The following MYO9A variants were observed in gnomAD, a reference collection of about 807,000 sequenced individuals.
The protein encoded by MYO9A is unconventional myosin-IXa.
MYO9A carries 103 observed loss-of-function variants against 293.3 expected under a neutral mutation model. The ratio of observed to expected loss-of-function variants is 0.35; its 90% CI spans 0.30 to 0.41. The LOEUF is 0.41. MYO9A is among the 10% of genes least tolerant of loss of function. MYO9A has a pLI of 1.00. For synonymous variants in MYO9A, 1,001 were observed against 1,035.7 expected (o/e 0.97, Z 0.64); for missense variants, 2,685 against 3,033.0 (o/e 0.89, Z 2.69).
intron 11 of MYO9A, among the ~76,000 whole-genome samples, chr15:71,988,699 G>A (rs1275001707): frequency 6.6e-6 from 1 of 152,078 alleles, no homozygotes; most frequent in Non-Finnish European, 1.5e-5. Flanking sequence ...GCTAGCTGTT[G>A]TAGTCTTTCT....
intron 16 of MYO9A, among the ~76,000 whole-genome samples, chr15:71,938,261 A>G (rs2058688117): frequency 6.6e-6 from 1 of 152,130 alleles, no homozygotes; most frequent in South Asian, 2.1e-4. Flanking sequence ...CAATTTTTTG[A>G]TGATGTTTAA....
intron 8 of MYO9A, among the ~76,000 whole-genome samples, chr15:72,007,076 T>C (rs2077038003): frequency 6.6e-6 from 1 of 152,192 alleles, no homozygotes; most frequent in Non-Finnish European, 1.5e-5. Flanking sequence ...GGAGACATTA[T>C]CATGAACTCA....
chr15:71,874,611 A>G (rs28378110), intron 32 of MYO9A, among the ~76,000 whole-genome samples: 3,699 of 152,342 alleles, frequency 0.024, 145 homozygotes, highest in African/African-American at 0.084. Context: ...TGGCTATTAC[A>G]TAGAGAACTA....
At chr15:71,996,596 A>C (rs1369212221) in intron 9 of MYO9A, among the ~76,000 whole-genome samples, 1 of 151,926 alleles carries the variant, frequency 6.6e-6, no homozygotes, top group African/African-American at 2.4e-5. Flanking sequence ...CAGCTGTGTA[A>C]ACCAGAAATG....
At chr15:71,986,349 G>A (rs1367263097) in intron 11 of MYO9A, among the ~76,000 whole-genome samples, 1 of 152,090 alleles carries the variant, frequency 6.6e-6, no homozygotes, top group East Asian at 1.9e-4. Flanking sequence ...GGATACCCAG[G>A]GATGGCTGTA....
intron 1 of MYO9A, among the ~76,000 whole-genome samples, chr15:72,100,826 A>C (rs1384730760): frequency 6.6e-6 from 1 of 150,848 alleles, no homozygotes; most frequent in Non-Finnish European, 1.5e-5. Flanking sequence ...CTGGGAAGTG[A>C]GGAGCGTCTC....
In MYO9A at chr15:72,034,294, G is replaced by A. The variant is rs1016607171; in HGVS notation, c.841-1706C>T. On this transcript the variant is annotated intron_variant, in intron 2 of 41. Transcript: ENST00000356056. ...AATCTGTGCTTATAAAACCCCCTTC[G>A]AGTGGTTCAGATGTAAGCCAAAGTT... is the stretch of plus-strand genomic sequence containing the variant. Among the ~76,000 whole-genome samples the A allele has an allele frequency of 2.6e-5, 4 of 152,122 alleles. No homozygotes were observed. The East Asian group carries it at 5.8e-4, about 22-fold the overall frequency.
At chr15:72,075,561 T>G (rs968577627) in intron 1 of MYO9A, among the ~76,000 whole-genome samples, 3 of 152,034 alleles carry the variant, frequency 2.0e-5, no homozygotes, top group African/African-American at 7.2e-5. Flanking sequence ...GTTCACTAAA[T>G]AGACTTAATA....
chr15:71,934,595 T>C (rs1206905339), intron 17 of MYO9A, among the ~76,000 whole-genome samples: 2 of 151,374 alleles, frequency 1.3e-5, no homozygotes, highest in Admixed American at 1.3e-4. Flanking sequence ...CTAATAACTT[T>C]TTTTCCTTTT....
intron 26 of MYO9A, chr15:71,890,938 T>C (rs1481499392): frequency 6.6e-6 from 1 of 152,184 alleles, no homozygotes; most frequent in African/African-American, 2.4e-5. Flanking sequence ...GAAAATACTG[T>C]GAGATTGTAG....
At chr15:71,919,863 G>C (rs1458052284) in intron 18 of MYO9A, among the ~76,000 whole-genome samples, 1 of 89,958 alleles carries the variant, frequency 1.1e-5, no homozygotes, top group South Asian at 3.8e-4. Context: ...AAAAAAAAAA[G>C]CTAGCAACTA....
intron 5 of MYO9A, 56 bp from the exon 6 acceptor site, chr15:72,019,151 G>C: frequency 2.2e-6 from 3 of 1,395,330 alleles, no homozygotes; most frequent in Non-Finnish European, 3.1e-6. Flanking sequence ...CTCTTCTAAT[G>C]ATCTCTTAGA....
chr15:71,982,810 C>T (rs1026630247), intron 11 of MYO9A, among the ~76,000 whole-genome samples: 2 of 152,028 alleles, frequency 1.3e-5, no homozygotes, highest in South Asian at 4.1e-4. Flanking sequence ...TTCATTATTG[C>T]TTTATATATT....
chr15:72,108,651 G>A (rs999975469), intron 1 of MYO9A, among the ~76,000 whole-genome samples: 3 of 152,096 alleles, frequency 2.0e-5, no homozygotes, highest in Non-Finnish European at 4.4e-5. Context: ...TATTAAATTA[G>A]GGTATTATTT....
chr15:71,905,565 C>T (rs28490141), intron 19 of MYO9A, among the ~76,000 whole-genome samples: 176 of 152,030 alleles, frequency 1.2e-3, no homozygotes, highest in African/African-American at 4.1e-3. Context: ...AGGGCAGGAT[C>T]ACCTGAGGTC....
chr15:72,014,392 A>T (rs761735228), intron 6 of MYO9A, among the ~76,000 whole-genome samples: 11 of 152,126 alleles, frequency 7.2e-5, no homozygotes, highest in Middle Eastern at 3.4e-3. Flanking sequence ...ATTTTAAGAA[A>T]TAGAGACAAG....
At chr15:71,959,862 AAGATGAAGTATGGTAG>A in intron 14 of MYO9A, 23 bp downstream of exon 14, 1 of 1,516,202 alleles carries the variant, frequency 6.6e-7, no homozygotes, top group Non-Finnish European at 8.9e-7. Context: ...AAAAAAAAAA[AAGATGAAGTATGGTAG>A]AATACTAATA....
At chr15:71,990,752 G>C (rs1246430858) in intron 11 of MYO9A, among the ~76,000 whole-genome samples, 1 of 74,392 alleles carries the variant, frequency 1.3e-5, no homozygotes. Context: ...GCGAGACTCA[G>C]TCAAAAAAAA....
chr15:71,828,677 C>A (rs72744702), intron 40 of MYO9A, among the ~76,000 whole-genome samples: 1,762 of 152,294 alleles, frequency 0.012, 19 homozygotes, highest in Middle Eastern at 0.041. Flanking sequence ...GTACTCAGAT[C>A]CTAATCTTGC....
Sources: allele counts gnomAD v4.1 joint callset (sites outside exome capture counted in the v4.1 genomes callset), GRCh38; gene constraint gnomAD v4.1.1; transcripts MANE v1.5; gene names NCBI Gene and HGNC (gene_info 2026-07-23, HGNC 2026-07-21).